Variants in RBFOX1 observed in about 807,000 individuals in gnomAD.
The protein encoded by RBFOX1 is RNA binding protein fox-1 homolog 1.
Under a neutral mutation model 57.7 loss-of-function variants are expected in RBFOX1, and 8 were observed. The ratio of observed to expected loss-of-function variants is 0.14; its 90% CI spans 0.08 to 0.25. The LOEUF (loss-of-function observed/expected upper bound fraction) is 0.25. Ranked by LOEUF, RBFOX1 falls within the 10% of genes least tolerant of loss-of-function variation. RBFOX1 has a pLI of 1.00. For synonymous variants in RBFOX1, 326 were observed against 222.4 expected (o/e 1.47, Z -4.15); for missense variants, 611 against 548.5 (o/e 1.11, Z -1.14).
chr16:7,580,640 A>C (rs537385050), intron 6 of RBFOX1, among the ~76,000 whole-genome samples: 42 of 152,322 alleles, frequency 2.8e-4, no homozygotes, highest in African/African-American at 9.6e-4. Flanking sequence ...AGAAAATAAT[A>C]GCATTGCTTT....
intron 3 of RBFOX1, among the ~76,000 whole-genome samples, chr16:6,812,278 C>G (rs62016145): frequency 0.2 from 30,292 of 152,190 alleles, 3,866 homozygotes; most frequent in Non-Finnish European, 0.28. Context: ...AAGTATCTCC[C>G]TTTAGACCAA....
At chr16:7,277,811 A>G (rs554342236) in intron 4 of RBFOX1, among the ~76,000 whole-genome samples, 62 of 152,316 alleles carry the variant, frequency 4.1e-4, no homozygotes, top group Middle Eastern at 3.4e-3. Flanking sequence ...TGAAATTAGC[A>G]TATTAGTTAA....
Position 6,923,360 on chromosome 16 carries a change from C to G in RBFOX1, c.-15-128697C>G, listed in dbSNP as rs145708074. Among the ~76,000 whole-genome samples the G allele has an allele frequency of 0.014, 2,078 of 152,120 alleles. 70 individuals are homozygous for G. In the East Asian group the frequency reaches 0.14, roughly 10 times the overall value. On this transcript the variant is annotated intron_variant, in intron 3 of 15. Transcript: ENST00000550418. The stretch of plus-strand genomic sequence containing the variant: ...ACCAGCCTGGCCAACATGGTGAAAC[C>G]CCATCTCTACTAACAATACACAAAT...
intron 4 of RBFOX1, among the ~76,000 whole-genome samples, chr16:5,956,150 C>T (rs2059634286): frequency 6.6e-6 from 1 of 152,028 alleles, no homozygotes; most frequent in African/African-American, 2.4e-5. Context: ...GTGGCGCGCA[C>T]CTGTACCCTC....
At chr16:7,616,754 AC>A (rs1879856665) in intron 10 of RBFOX1, among the ~76,000 whole-genome samples, 1 of 151,208 alleles carries the variant, frequency 6.6e-6, no homozygotes, top group Admixed American at 6.6e-5. Flanking sequence ...CTGGTCTTGA[AC>A]TCCTGACCTC....
At chr16:5,319,534 G>A (rs1232031955) in intron 1 of RBFOX1, among the ~76,000 whole-genome samples, 2 of 152,130 alleles carry the variant, frequency 1.3e-5, no homozygotes, top group Non-Finnish European at 2.9e-5. Context: ...TTTACTGAGC[G>A]CCAATGTCAG....
At chr16:5,749,224 C>T (rs12445333) in intron 3 of RBFOX1, among the ~76,000 whole-genome samples, 31,317 of 151,990 alleles carry the variant, frequency 0.21, 3,797 homozygotes, top group East Asian at 0.46. Context: ...GAGTTTCTGC[C>T]GAGAGATCTG....
chr16:5,311,191 G>T (rs2064078331), intron 1 of RBFOX1, among the ~76,000 whole-genome samples: 1 of 152,086 alleles, frequency 6.6e-6, no homozygotes, highest in Non-Finnish European at 1.5e-5. Flanking sequence ...TTATGGCTGA[G>T]TAGTATTCCA....
At chr16:7,352,861 G>T (rs533314717) in intron 4 of RBFOX1, among the ~76,000 whole-genome samples, 2 of 152,056 alleles carry the variant, frequency 1.3e-5, no homozygotes, top group Admixed American at 1.3e-4. Flanking sequence ...GACTACAGGA[G>T]CATGCCACCA....
At chr16:5,370,402 C>T (rs954116120) in intron 1 of RBFOX1, among the ~76,000 whole-genome samples, 9 of 151,630 alleles carry the variant, frequency 5.9e-5, no homozygotes, top group Non-Finnish European at 1.2e-4. Flanking sequence ...TGCTCTGAAC[C>T]AGGATAGGGC....
intron 2 of RBFOX1, among the ~76,000 whole-genome samples, chr16:6,448,832 GC>G (rs1418166156): frequency 6.6e-6 from 1 of 152,122 alleles, no homozygotes; most frequent in East Asian, 1.9e-4. Context: ...TACATATGTA[GC>G]CACTATTTTT....
intron 1 of RBFOX1, among the ~76,000 whole-genome samples, chr16:6,237,746 TAAAAC>T (rs931826644): frequency 2.7e-5 from 4 of 150,312 alleles, no homozygotes; most frequent in African/African-American, 4.9e-5. Context: ...ATCTCAAAAA[TAAAAC>T]AAAATAAAAT....
At chr16:6,514,092 G>T (rs867979122) in intron 2 of RBFOX1, among the ~76,000 whole-genome samples, 9 of 152,180 alleles carry the variant, frequency 5.9e-5, no homozygotes, top group Admixed American at 2.6e-4. Flanking sequence ...TCAAGAATGA[G>T]CTTCCCTGTC....
chr16:6,126,449 T>G (rs1316388969), intron 1 of RBFOX1, among the ~76,000 whole-genome samples: 1 of 152,180 alleles, frequency 6.6e-6, no homozygotes, highest in African/African-American at 2.4e-5. Context: ...CTCTGTGAAG[T>G]AGATACTTCC....
chr16:6,191,625 A>G (rs2097142444), intron 1 of RBFOX1, among the ~76,000 whole-genome samples: 1 of 152,196 alleles, frequency 6.6e-6, no homozygotes, highest in Admixed American at 6.5e-5. Context: ...GGGTAAGAAA[A>G]CAAGAGTAAT....
intron 3 of RBFOX1, among the ~76,000 whole-genome samples, chr16:5,793,737 G>A (rs1238787889): frequency 6.6e-6 from 1 of 152,218 alleles, no homozygotes; most frequent in Admixed American, 6.5e-5. Context: ...CTATGTACAT[G>A]TGCCTTCGTG....
intron 12 of RBFOX1, among the ~76,000 whole-genome samples, chr16:7,655,892 A>G (rs2144998889): frequency 6.6e-6 from 1 of 152,222 alleles, no homozygotes; most frequent in East Asian, 1.9e-4. Context: ...TCAAAATTAA[A>G]TTAGCTAACT....
chr16:6,696,599 A>T (rs2061085034), intron 3 of RBFOX1, among the ~76,000 whole-genome samples: 2 of 152,224 alleles, frequency 1.3e-5, no homozygotes. Context: ...TTCATAAATG[A>T]TAATTACGTC....
intron 2 of RBFOX1, among the ~76,000 whole-genome samples, chr16:5,492,115 T>G (rs2151673422): frequency 6.6e-6 from 1 of 152,302 alleles, no homozygotes; most frequent in South Asian, 2.1e-4. Flanking sequence ...ACACCAGGGC[T>G]GAGGCCTGGG....
Sources: allele counts gnomAD v4.1 joint callset (sites outside exome capture counted in the v4.1 genomes callset), GRCh38; gene constraint gnomAD v4.1.1; transcripts MANE v1.5; gene names NCBI Gene and HGNC (gene_info 2026-07-23, HGNC 2026-07-21).